The following VPS53 variants were observed in gnomAD, a reference collection of about 807,000 sequenced individuals.
The protein encoded by VPS53 is VPS53 subunit of GARP complex, also known as vacuolar protein sorting-associated protein 53 homolog.
VPS53 carries 70 observed loss-of-function variants against 107.0 expected under a neutral mutation model. The ratio of observed to expected loss-of-function variants is 0.65; its 90% CI spans 0.54 to 0.80. The LOEUF is 0.80. VPS53 is among the 30% of genes least tolerant of loss of function. The pLI, the probability that VPS53 is intolerant of heterozygous loss-of-function variation, is 0.00. For missense variants in VPS53, 917 were observed against 1,049.4 expected (o/e 0.87, Z 1.74); for synonymous variants, 409 against 393.3 (o/e 1.04, Z -0.47).
chr17:528,561 C>G (rs966599082), intron 19 of VPS53, among the ~76,000 whole-genome samples: 1 of 149,576 alleles, frequency 6.7e-6, no homozygotes, highest in Non-Finnish European at 1.5e-5. Flanking sequence ...TATTTGTGTA[C>G]AAGCTTTTGT....
intron 1 of VPS53, among the ~76,000 whole-genome samples, chr17:713,639 G>A (rs373762988): frequency 1.3e-5 from 2 of 151,642 alleles, no homozygotes; most frequent in Non-Finnish European, 2.9e-5. Context: ...GCGAAAGAGC[G>A]AGACTCCGTC....
chr17:631,356 A>C (rs1026504421), intron 8 of VPS53, among the ~76,000 whole-genome samples, 194 bp downstream of exon 8: 3 of 151,886 alleles, frequency 2.0e-5, no homozygotes, highest in African/African-American at 7.3e-5. Flanking sequence ...GGCTGGAAGG[A>C]AACAGAGGAG....
intron 5 of VPS53, among the ~76,000 whole-genome samples, chr17:660,024 C>T (rs558766764): frequency 8.5e-5 from 13 of 152,256 alleles, no homozygotes; most frequent in African/African-American, 3.1e-4. Context: ...ATGGTTGATT[C>T]GCCTCAACTG....
At chr17:568,658 G>C (rs1270301547) in intron 13 of VPS53, among the ~76,000 whole-genome samples, 2 of 152,202 alleles carry the variant, frequency 1.3e-5, no homozygotes, top group African/African-American at 2.4e-5. Context: ...GGGAGCCAAG[G>C]TGTGGCTTGA....
At position 614,679 on chromosome 17, in the gene VPS53, G is replaced by A. The variant is rs116236741; in HGVS notation, c.1116+8854C>T. The stretch of plus-strand genomic sequence containing the variant: ...ACACAGTCTCCCTCATGCAGGTGCC[G>A]GAAGACCAGGGTGTAGAGTGAGACA... On this transcript the variant is annotated intron_variant, in intron 11 of 21. Coordinates refer to ENST00000437048, the MANE Select transcript of VPS53 (RefSeq NM_001128159.3). 5.2e-3 allele frequency among the ~76,000 whole-genome samples: 794 copies of A among 152,220 alleles called. 9 individuals are homozygous for A. Among genetic ancestry groups the A allele is most frequent in the African/African-American group, 0.017 (724 of 41,520 alleles).
Position 583,385 on chromosome 17 carries a change from A to C in VPS53, c.1313+2885T>G, listed in dbSNP as rs73973159. ...CCCAGAGACCTTCCCTCACGACCTA[A>C]TGCGTTCCCAGAGAACTTCCCCCAG... On this transcript the variant is annotated intron_variant, in intron 13 of 21. Transcript: ENST00000437048. 2.6e-3 allele frequency among the ~76,000 whole-genome samples: 393 copies of C among 149,808 alleles called. 2 individuals carry two copies. Among genetic ancestry groups the C allele is most frequent in the African/African-American group, 9.4e-3 (380 of 40,528 alleles).
At chr17:608,056 T>C (rs940988888) in intron 11 of VPS53, among the ~76,000 whole-genome samples, 1 of 152,210 alleles carries the variant, frequency 6.6e-6, no homozygotes, top group African/African-American at 2.4e-5. Flanking sequence ...AGTTTCTGCA[T>C]TTCTCACTCC....
chr17:640,594 G>C (rs533346238), intron 7 of VPS53, among the ~76,000 whole-genome samples: 2 of 151,974 alleles, frequency 1.3e-5, no homozygotes, highest in South Asian at 2.1e-4. Context: ...AGATAGGCTG[G>C]ACCTGGTTAT....
intron 10 of VPS53, among the ~76,000 whole-genome samples, chr17:625,678 C>G (rs1332846787): frequency 6.6e-6 from 1 of 152,184 alleles, no homozygotes; most frequent in African/African-American, 2.4e-5. Flanking sequence ...CTCTCTGTGT[C>G]TTCTGCTCAA....
chr17:659,840 G>C (rs1265743049), intron 5 of VPS53, among the ~76,000 whole-genome samples: 3 of 152,016 alleles, frequency 2.0e-5, no homozygotes, highest in Non-Finnish European at 4.4e-5. Flanking sequence ...CTCTGCACTG[G>C]AGCTGACTGG....
rs761922808 is a variant in VPS53, at chr17:653,843, C to T, written c.489-433G>A. 6.6e-5 allele frequency among the ~76,000 whole-genome samples: 10 copies of T among 152,206 alleles called. 1 individual carries two copies. Among genetic ancestry groups the T allele is most frequent in the Non-Finnish European group, 1.3e-4 (9 of 68,038 alleles). ...TAGGGATGTTACTATCTGAGGATTA[C>T]AGCCTATGAGCAAACCAAACACAAA... On this transcript the variant is annotated intron_variant, in intron 6 of 21. Coordinates refer to ENST00000437048, the MANE Select transcript of VPS53 (RefSeq NM_001128159.3).
At chr17:689,289 T>C (rs752891565) in intron 4 of VPS53, among the ~76,000 whole-genome samples, 1 of 152,060 alleles carries the variant, frequency 6.6e-6, no homozygotes, top group Non-Finnish European at 1.5e-5. Context: ...TGCTGGGAAG[T>C]CAGTCTTGGA....
intron 4 of VPS53, among the ~76,000 whole-genome samples, chr17:663,389 C>T (rs1283769037): frequency 6.6e-6 from 1 of 152,210 alleles, no homozygotes; most frequent in Non-Finnish European, 1.5e-5. Context: ...AGGCCACAGA[C>T]GTGTACAGAC....
Position 518,925 on chromosome 17 carries a change from T to C in VPS53, c.*203A>G. ...ACCAGAGATCACCTAAATCGCCCTC[T>C]TAGAGCCCAGCCCTTACTCAGCGTC... On this transcript the variant is annotated 3_prime_UTR_variant, in exon 22 of 22. Transcript: ENST00000437048. The C allele has an allele frequency of 5.6e-6, 3 of 535,878 alleles. No homozygotes were observed. The highest frequency in any genetic ancestry group is 9.3e-6 in the Non-Finnish European group (3 of 323,388). The allele number at this position is 535,878 out of a possible 1,614,324, so 33.2% of individuals were successfully genotyped here.
intron 12 of VPS53, among the ~76,000 whole-genome samples, chr17:588,772 C>T (rs1171680206): frequency 6.6e-6 from 1 of 152,170 alleles, no homozygotes; most frequent in African/African-American, 2.4e-5. Flanking sequence ...TTGAATCTGC[C>T]GGATCTAGAA....
At chr17:577,366 C>A (rs910725572) in intron 13 of VPS53, among the ~76,000 whole-genome samples, 1 of 151,672 alleles carries the variant, frequency 6.6e-6, no homozygotes, top group Non-Finnish European at 1.5e-5. Context: ...GACCTCAATG[C>A]GTTCCCAGAG....
intron 17 of VPS53, among the ~76,000 whole-genome samples, chr17:544,128 G>T (rs920972983): frequency 1.3e-5 from 2 of 152,088 alleles, no homozygotes; most frequent in Non-Finnish European, 2.9e-5. Flanking sequence ...GGAATATGTG[G>T]GTTGGCTGTT....
chr17:566,682 G>A (rs1234174714), intron 13 of VPS53, among the ~76,000 whole-genome samples: 4 of 152,044 alleles, frequency 2.6e-5, no homozygotes, highest in Admixed American at 1.3e-4. Context: ...TAAATTGATA[G>A]TGCCAACCAA....
intron 12 of VPS53, among the ~76,000 whole-genome samples, chr17:586,798 G>A (rs1967343156): frequency 6.6e-6 from 1 of 152,120 alleles, no homozygotes; most frequent in African/African-American, 2.4e-5. Context: ...ATGTAGGTAT[G>A]ACTACTACTA....
Sources: allele counts gnomAD v4.1 joint callset (sites outside exome capture counted in the v4.1 genomes callset), GRCh38; gene constraint gnomAD v4.1.1; transcripts MANE v1.5; gene names NCBI Gene and HGNC (gene_info 2026-07-23, HGNC 2026-07-21).